Variants in PRPSAP1 observed in about 807,000 individuals in gnomAD.
PRPSAP1 encodes the protein phosphoribosyl pyrophosphate synthetase associated protein 1, also known as phosphoribosyl pyrophosphate synthase-associated protein 1.
PRPSAP1 carries 31 observed loss-of-function variants against 39.4 expected under a neutral mutation model. The ratio of observed to expected loss-of-function variants is 0.79; its 90% confidence interval spans 0.59 to 1.06. PRPSAP1 has a LOEUF of 1.06. PRPSAP1 is among the 50% of genes least tolerant of loss of function. The probability of loss-of-function intolerance (pLI) is 0.00; values close to 1 mark genes in which losing one functional copy is unlikely to be tolerated. For missense variants in PRPSAP1, 430 were observed against 511.6 expected (o/e 0.84, Z 1.54); for synonymous variants, 212 against 192.6 (o/e 1.10, Z -0.83).
intron 3 of PRPSAP1, among the ~76,000 whole-genome samples, chr17:76,340,323 A>G (rs1017104631): frequency 2.6e-5 from 4 of 151,730 alleles, no homozygotes; most frequent in Non-Finnish European, 5.9e-5. Flanking sequence ...ACAAGTGAGA[A>G]AAACGGTAAG....
chr17:76,342,075 C>A (rs775715286), intron 3 of PRPSAP1, among the ~76,000 whole-genome samples: 3 of 152,142 alleles, frequency 2.0e-5, no homozygotes, highest in African/African-American at 4.8e-5. Context: ...GCAGCCCCTT[C>A]CCTCAATACC....
At chr17:76,313,652 T>C in intron 8 of PRPSAP1, 169 bp downstream of exon 8, 1 of 652,178 alleles carries the variant, frequency 1.5e-6, no homozygotes, top group Middle Eastern at 2.9e-4. Context: ...CTTTAATGTA[T>C]GTTCACCTGG....
At chr17:76,344,288 C>T (rs1159533044) in intron 3 of PRPSAP1, among the ~76,000 whole-genome samples, 2 of 152,164 alleles carry the variant, frequency 1.3e-5, no homozygotes, top group African/African-American at 4.8e-5. Context: ...CCACCACGCC[C>T]GGCTAATTTT....
intron 7 of PRPSAP1, among the ~76,000 whole-genome samples, chr17:76,326,904 C>T (rs186593082): frequency 1.3e-5 from 2 of 151,656 alleles, no homozygotes; most frequent in East Asian, 1.9e-4. Flanking sequence ...AGGGACATTA[C>T]GTCTGCAACT....
At chr17:76,340,145 CAAAAAA>C (rs71161288) in intron 3 of PRPSAP1, among the ~76,000 whole-genome samples, 2 of 77,792 alleles carry the variant, frequency 2.6e-5, no homozygotes, top group South Asian at 4.2e-4. Context: ...GGCCTTGTCT[CAAAAAA>C]AAAAAAAAAA....
rs900140887 is a variant in PRPSAP1, at chr17:76,349,325, T to A, written c.171-744A>T. Reference sequence around the variant, plus strand: ...GTCTCAAAAAAAAAAAAAGCCATTTTAAAAAATAATCAGAGAAATATGGAC... The same window carrying A: ...GTCTCAAAAAAAAAAAAAGCCATTTAAAAAAATAATCAGAGAAATATGGAC... On this transcript the variant is annotated intron_variant, in intron 1 of 9. Coordinates refer to ENST00000446526, the MANE Select transcript of PRPSAP1 (RefSeq NM_002766.3). 5.1e-4 allele frequency among the ~76,000 whole-genome samples: 77 copies of A among 151,666 alleles called. No homozygotes were observed. The Middle Eastern group carries it at 0.01, about 20-fold the overall frequency.
At chr17:76,329,899 T>C in intron 6 of PRPSAP1, 144 bp downstream of exon 6, 1 of 689,516 alleles carries the variant, frequency 1.5e-6, no homozygotes, top group East Asian at 2.6e-5. Flanking sequence ...GTGTGTGGCA[T>C]GGGACATGAC....
At chr17:76,312,000 G>A (rs1014399986) in intron 9 of PRPSAP1, among the ~76,000 whole-genome samples, 5 of 152,154 alleles carry the variant, frequency 3.3e-5, no homozygotes, top group Admixed American at 3.3e-4. Context: ...CCAGCCTCAA[G>A]AGAAATGCTC....
At chr17:76,343,904 T>C (rs2071467026) in intron 3 of PRPSAP1, among the ~76,000 whole-genome samples, 1 of 152,108 alleles carries the variant, frequency 6.6e-6, no homozygotes, top group Admixed American at 6.6e-5. Flanking sequence ...CAGAAGACAG[T>C]AATTGTATTT....
intron 3 of PRPSAP1, among the ~76,000 whole-genome samples, chr17:76,332,678 T>G (rs1352343150): frequency 6.6e-6 from 1 of 152,102 alleles, no homozygotes; most frequent in Admixed American, 6.6e-5. Flanking sequence ...CCCTCACATT[T>G]GCCTGGGTCT....
Position 76,328,766 on chromosome 17 carries a change from G to A in PRPSAP1, c.732C>T (p.Ser244=), listed in dbSNP as rs1254839689. Residue 244 remains serine (S), a synonymous_variant, in exon 7 of 10, where the codon TCC becomes TCT. Transcript: ENST00000446526. ...TELDMDDGRH[S]PPMVKNATVH... The stretch of plus-strand genomic sequence containing the variant: ...CAGTAGCATTTTTGACCATAGGCGG[G>A]GAGTGACGACCATCGTCCATGTCCA... 1.2e-6 allele frequency: 2 copies of A among 1,614,014 alleles called. No homozygotes were observed. Among genetic ancestry groups the A allele is most frequent in the Non-Finnish European group, 8.5e-7 (1 of 1,180,032 alleles).
chr17:76,317,434 G>A (rs1450197902), intron 7 of PRPSAP1, among the ~76,000 whole-genome samples: 1 of 152,194 alleles, frequency 6.6e-6, no homozygotes, highest in Non-Finnish European at 1.5e-5. Context: ...TGAGGCAGGA[G>A]AATTGCTTGA....
chr17:76,320,390 T>C (rs576262698), intron 7 of PRPSAP1, among the ~76,000 whole-genome samples: 1 of 148,876 alleles, frequency 6.7e-6, no homozygotes, highest in Admixed American at 6.7e-5. Context: ...TTCATTTTAT[T>C]GCACTTTGCT....
intron 3 of PRPSAP1, among the ~76,000 whole-genome samples, chr17:76,343,071 C>T (rs545441296): frequency 7.6e-4 from 116 of 152,220 alleles, no homozygotes; most frequent in African/African-American, 2.6e-3. Flanking sequence ...AGTGAGACTC[C>T]GTCTCAAAAA....
At chr17:76,345,995 G>A (rs1458291542) in intron 2 of PRPSAP1, 6 of 471,830 alleles carry the variant, frequency 1.3e-5, no homozygotes, top group Non-Finnish European at 2.5e-5. Flanking sequence ...GGGAGAGAAG[G>A]TACCCAAGGG....
intron 7 of PRPSAP1, among the ~76,000 whole-genome samples, chr17:76,323,667 CTG>C (rs2071222198): frequency 6.6e-6 from 1 of 150,798 alleles, no homozygotes; most frequent in South Asian, 2.1e-4. Context: ...TATGATAAAA[CTG>C]TAATGGATAA....
chr17:76,329,090 G>C (rs371813682), intron 6 of PRPSAP1: 1 of 351,576 alleles, frequency 2.8e-6, no homozygotes. Context: ...TTTTTTTTTT[G>C]AGACAAGGTC....
Position 76,312,956 on chromosome 17 carries a change from C to T in PRPSAP1, c.913G>A (p.Gly305Ser), listed in dbSNP as rs748201590. The T allele has an allele frequency of 3.5e-5, 57 of 1,613,944 alleles. No individual in the cohort carries two copies. The highest frequency in any genetic ancestry group is 4.7e-5 in the Non-Finnish European group (55 of 1,180,018). ...GCCATAACATAGATCTTATAGGCGC[C>T]TCTCTCTTTCAGGATCTCCGCGGCA... is the stretch of plus-strand genomic sequence containing the variant. The part of the protein sequence containing the change: ...VAAAEILKER[G>S]AYKIYVMATH... Residue 305 changes from glycine to serine, a missense_variant, in exon 9 of 10, where the codon GGC (glycine) becomes AGC (serine). Gly to Ser is a moderately conservative substitution (Grantham distance 56, BLOSUM62 0). This residue lies in a region of PRPSAP1 where 278 missense variants were observed against 376.3 expected (regional missense o/e 0.74). Transcript: ENST00000446526.
At chr17:76,332,222 A>C (rs372182847) in intron 4 of PRPSAP1, 41 bp downstream of exon 4, 17 of 1,602,258 alleles carry the variant, frequency 1.1e-5, no homozygotes, top group Middle Eastern at 2.0e-4. Flanking sequence ...AAGAGCCCTA[A>C]AGGATCATGC....
Sources: gnomAD v4.1 joint callset for allele counts (sites outside exome capture counted in the v4.1 genomes callset) on GRCh38, gnomAD v4.1.1 for gene constraint, gnomAD v4.1.1 regional missense constraint, MANE v1.5 for transcripts, NCBI Gene and HGNC (gene_info 2026-07-23, HGNC 2026-07-21) for gene names.